Variants in ANK2 observed in about 807,000 individuals in gnomAD.
ANK2 encodes ankyrin-2.
ANK2 carries 83 observed loss-of-function variants against 360.5 expected under a neutral mutation model. That is an observed-to-expected ratio of 0.23 (90% CI 0.19 to 0.28). The LOEUF (loss-of-function observed/expected upper bound fraction) is 0.28, where lower values mean the gene tolerates loss of function less well. Ranked by LOEUF, ANK2 falls within the 10% of genes least tolerant of loss-of-function variation. ANK2 has a pLI of 1.00. For synonymous variants in ANK2, 1,740 were observed against 1,759.5 expected (o/e 0.99, Z 0.28); for missense variants, 4,201 against 4,795.7 (o/e 0.88, Z 3.66).
intron 2 of ANK2, among the ~76,000 whole-genome samples, chr4:112,958,989 C>A (rs1455356037): frequency 6.6e-6 from 1 of 152,038 alleles, no homozygotes; most frequent in African/African-American, 2.4e-5. Context: ...GCTGGGATTA[C>A]AGGTGCCCGC....
chr4:113,145,819 G>C (rs1208421220), intron 1 of ANK2: 1 of 1,285,832 alleles, frequency 7.8e-7, no homozygotes, highest in Non-Finnish European at 1.0e-6. Flanking sequence ...CCTGGACAGA[G>C]TGCAGAGGGC....
chr4:113,295,747 G>A (rs29306), intron 22 of ANK2, among the ~76,000 whole-genome samples: 119,788 of 152,102 alleles, frequency 0.79, 47,377 homozygotes, highest in African/African-American at 0.85. Flanking sequence ...GTCCACATGA[G>A]CTAAACAAGT....
intron 1 of ANK2, chr4:112,827,646 C>A (rs900954942): frequency 1.2e-5 from 9 of 755,510 alleles, no homozygotes; most frequent in Admixed American, 6.7e-5. Context: ...AATTTACTGC[C>A]AAGGAAGACA....
chr4:113,218,554 A>G (rs977513593), intron 4 of ANK2, among the ~76,000 whole-genome samples: 1 of 152,088 alleles, frequency 6.6e-6, no homozygotes, highest in African/African-American at 2.4e-5. Flanking sequence ...AAAAAGTGCT[A>G]TACTGCTACC....
chr4:112,756,712 C>T, the ANK2 span, among the ~76,000 whole-genome samples: 8 of 152,260 alleles, frequency 5.3e-5, no homozygotes, highest in African/African-American at 7.2e-5. Flanking sequence ...GTGGCTCATG[C>T]GTGTGATCCC....
chr4:113,196,358 C>A lies in ANK2; in HGVS notation c.187-10C>A, dbSNP rs370724614. 2.9e-5 allele frequency: 46 copies of A among 1,610,776 alleles called. No individual in the cohort carries two copies. The Middle Eastern group carries it at 6.6e-4, about 23-fold the overall frequency. On this transcript the variant is annotated splice_polypyrimidine_tract_variant and intron_variant, in intron 2 of 45. Transcript: ENST00000357077. Reference sequence around the variant, plus strand: ...TCACTTCTTAAAGCCTTGTTTGTTTCTTCTCTCAGAATGGACTCAACGCTC... The same window carrying A: ...TCACTTCTTAAAGCCTTGTTTGTTTATTCTCTCAGAATGGACTCAACGCTC...
the ANK2 span, among the ~76,000 whole-genome samples, chr4:112,774,535 A>ATAGC: frequency 6.6e-6 from 1 of 152,222 alleles, no homozygotes; most frequent in Non-Finnish European, 1.5e-5. Flanking sequence ...TCAAAAATAA[A>ATAGC]TAGCTAACTA....
intron 4 of ANK2, among the ~76,000 whole-genome samples, chr4:113,220,343 C>G (rs1236027551): frequency 6.6e-6 from 1 of 152,098 alleles, no homozygotes; most frequent in Non-Finnish European, 1.5e-5. Context: ...TTATGTGAAT[C>G]TTACTGGAAT....
chr4:112,872,081 C>T (rs1280071101), intron 1 of ANK2, among the ~76,000 whole-genome samples: 1 of 149,898 alleles, frequency 6.7e-6, no homozygotes, highest in Non-Finnish European at 1.5e-5. Flanking sequence ...GCCTGGAGTG[C>T]AGAGGTGCAA....
At chr4:113,259,082 C>T (rs1295631003) in intron 13 of ANK2, among the ~76,000 whole-genome samples, 1 of 152,132 alleles carries the variant, frequency 6.6e-6, no homozygotes, top group East Asian at 1.9e-4. Flanking sequence ...CAGAATTTTT[C>T]TATGTAATCT....
the ANK2 span, among the ~76,000 whole-genome samples, chr4:112,764,127 T>G: frequency 4.0e-5 from 6 of 151,176 alleles, no homozygotes; most frequent in Non-Finnish European, 7.4e-5. Context: ...GTATTTTTAG[T>G]AGAGACGGGG....
At chr4:113,161,233 A>G (rs1051499215) in intron 1 of ANK2, among the ~76,000 whole-genome samples, 1 of 152,242 alleles carries the variant, frequency 6.6e-6, no homozygotes, top group Non-Finnish European at 1.5e-5. Context: ...GCTGCCTCAG[A>G]AGACGTTCAG....
chr4:113,214,333 T>C lies in ANK2; in HGVS notation c.384+15224T>C. ...CATCGGGCACAGTTAGTGCAGCGAA[T>C]AGGCTGCACGTGGCCGCGGCCCTTT... is the stretch of plus-strand genomic sequence containing the variant. On this transcript the variant is annotated intron_variant, in intron 4 of 45. Coordinates refer to ENST00000357077, the MANE Select transcript of ANK2 (RefSeq NM_001148.6). 4.2e-6 allele frequency: 4 copies of C among 950,780 alleles called. No homozygotes were observed. The East Asian group carries it at 1.0e-4, about 24-fold the overall frequency. 58.9% of individuals were successfully genotyped at this position (950,780 alleles called of 1,614,324 possible). A position where few individuals can be genotyped will look rare whatever the true frequency, so the allele number is the denominator to read the frequency against.
chr4:112,936,102 C>T (rs972921556), intron 2 of ANK2, among the ~76,000 whole-genome samples: 1 of 152,212 alleles, frequency 6.6e-6, no homozygotes, highest in Non-Finnish European at 1.5e-5. Context: ...GCCACTGTCA[C>T]CACCTATAGT....
intron 1 of ANK2, among the ~76,000 whole-genome samples, chr4:112,830,815 G>A (rs764825967): frequency 5.9e-5 from 9 of 152,258 alleles, no homozygotes; most frequent in East Asian, 1.9e-4. Flanking sequence ...AGGGAGAGGC[G>A]TGGGCAGGAA....
chr4:112,784,851 T>C, the ANK2 span, among the ~76,000 whole-genome samples: 1 of 152,238 alleles, frequency 6.6e-6, no homozygotes, highest in African/African-American at 2.4e-5. Context: ...TGGTGCACAC[T>C]AATTCTCATG....
At chr4:113,327,943 T>G (rs2090865487) in intron 26 of ANK2, among the ~76,000 whole-genome samples, 1 of 152,192 alleles carries the variant, frequency 6.6e-6, no homozygotes, top group Non-Finnish European at 1.5e-5. Flanking sequence ...TCAGGGCAAG[T>G]AATCTAACCT....
chr4:112,856,553 C>T (rs1339091207), intron 1 of ANK2, among the ~76,000 whole-genome samples: 1 of 152,088 alleles, frequency 6.6e-6, no homozygotes, highest in Non-Finnish European at 1.5e-5. Flanking sequence ...TATGGTGAAA[C>T]CCCATCTCTA....
At chr4:112,897,946 C>A (rs1016955564) in intron 1 of ANK2, among the ~76,000 whole-genome samples, 2 of 152,122 alleles carry the variant, frequency 1.3e-5, no homozygotes, top group African/African-American at 4.8e-5. Context: ...CTCAAAAAAA[C>A]CAGGTTTACT....
Sources: gnomAD v4.1 joint callset for allele counts (sites outside exome capture counted in the v4.1 genomes callset) on GRCh38, gnomAD v4.1.1 for gene constraint, MANE v1.5 for transcripts, NCBI Gene and HGNC (gene_info 2026-07-23, HGNC 2026-07-21) for gene names.